The following FAM110B variants were observed in gnomAD, a reference collection of about 807,000 sequenced individuals.
FAM110B encodes the protein protein FAM110B.
In FAM110B, 6 loss-of-function variants were observed where a neutral mutation model predicts 20.4. The ratio of observed to expected loss-of-function variants is 0.29; its 90% CI spans 0.16 to 0.58. The LOEUF (loss-of-function observed/expected upper bound fraction) is 0.58. Among genes scored for constraint, FAM110B ranks in the 20% least tolerant of loss-of-function variants. FAM110B has a pLI of 0.90. For synonymous variants in FAM110B, 226 were observed against 214.1 expected (o/e 1.06, Z -0.49); for missense variants, 434 against 498.2 (o/e 0.87, Z 1.23).
intron 1 of FAM110B, among the ~76,000 whole-genome samples, chr8:57,999,198 T>G (rs1048479799): frequency 6.6e-6 from 1 of 152,286 alleles, no homozygotes; most frequent in African/African-American, 2.4e-5. Flanking sequence ...TTGTAAACAC[T>G]TTAGAGAGAA....
chr8:58,011,460 T>C (rs918873496), intron 1 of FAM110B, among the ~76,000 whole-genome samples: 1 of 152,180 alleles, frequency 6.6e-6, no homozygotes, highest in Non-Finnish European at 1.5e-5. Flanking sequence ...GGTTCACCTT[T>C]TGACATAAAG....
intron 1 of FAM110B, among the ~76,000 whole-genome samples, chr8:58,006,078 CA>C (rs1335345580): frequency 1.3e-5 from 2 of 152,006 alleles, no homozygotes; most frequent in Non-Finnish European, 2.9e-5. Context: ...ATTATTCAGG[CA>C]GATCCTTATA....
At chr8:58,061,845 C>T (rs907272695) in intron 2 of FAM110B, among the ~76,000 whole-genome samples, 1 of 152,332 alleles carries the variant, frequency 6.6e-6, no homozygotes, top group African/African-American at 2.4e-5. Context: ...CAGGGATTTA[C>T]ACTCTTCTAG....
At chr8:58,075,297 T>G (rs1240149403) in intron 2 of FAM110B, among the ~76,000 whole-genome samples, 2 of 119,846 alleles carry the variant, frequency 1.7e-5, no homozygotes, top group African/African-American at 1.2e-4. Context: ...GTGTGTGTGT[T>G]TTGTAGATAC....
At chr8:58,084,393 C>CTT (rs574705921) in intron 3 of FAM110B, among the ~76,000 whole-genome samples, 15 of 140,772 alleles carry the variant, frequency 1.1e-4, no homozygotes, top group African/African-American at 2.1e-4. Context: ...CTCCATTTTC[C>CTT]TTTTTTTTTT....
At chr8:58,006,418 G>A (rs1343794358) in intron 1 of FAM110B, among the ~76,000 whole-genome samples, 1 of 152,124 alleles carries the variant, frequency 6.6e-6, no homozygotes, top group Non-Finnish European at 1.5e-5. Context: ...ACAGTAGTGG[G>A]TGGCCATGGC....
intron 2 of FAM110B, among the ~76,000 whole-genome samples, chr8:58,052,355 G>A (rs1335659613): frequency 6.6e-6 from 1 of 152,146 alleles, no homozygotes; most frequent in Non-Finnish European, 1.5e-5. Context: ...ATCATAGAAA[G>A]CAGTATAGAG....
rs1281171052 is a variant in FAM110B at position 58,146,653 on chromosome 8, C to G, written c.423C>G (p.Ser141=). ...CGGGCTCGGGGCACAAGCACAGCTC[C>G]CGCAACTGGCCGCCCCACCGGTCGG... The part of the protein sequence containing the change: ...SSSGSGHKHS[S]RNWPPHRSEA... The change falls in exon 4 of 4, where the codon TCC becomes TCG. Residue 141 remains serine, a synonymous_variant. Coordinates refer to ENST00000519262, the MANE Select transcript of FAM110B (RefSeq NM_001377989.1). 1 of 1,612,994 alleles carries G rather than the reference C, an allele frequency of 6.2e-7. No homozygotes were observed. The highest frequency in any genetic ancestry group is 2.2e-5 in the East Asian group (1 of 44,846).
chr8:57,995,730 A>G (rs758075780), intron 1 of FAM110B, among the ~76,000 whole-genome samples: 2 of 152,210 alleles, frequency 1.3e-5, no homozygotes, highest in Non-Finnish European at 2.9e-5. Flanking sequence ...TAACCCTTTC[A>G]AGTTGTTATT....
At chr8:58,016,200 G>A (rs1323520913) in intron 1 of FAM110B, among the ~76,000 whole-genome samples, 1 of 152,146 alleles carries the variant, frequency 6.6e-6, no homozygotes, top group Non-Finnish European at 1.5e-5. Flanking sequence ...AATGCTTTTA[G>A]AAAATGATTT....
chr8:58,136,882 C>G (rs1175892290), intron 3 of FAM110B, among the ~76,000 whole-genome samples: 10 of 152,194 alleles, frequency 6.6e-5, no homozygotes, highest in Admixed American at 2.0e-4. Context: ...GATGACTTCT[C>G]TAAATGACCT....
At chr8:58,052,793 T>C (rs1367812226) in intron 2 of FAM110B, among the ~76,000 whole-genome samples, 2 of 124,000 alleles carry the variant, frequency 1.6e-5, no homozygotes, top group African/African-American at 6.6e-5. Context: ...TTTTTTTTTT[T>C]TTTTTTTTTT....
intron 1 of FAM110B, among the ~76,000 whole-genome samples, chr8:58,000,786 T>C (rs1804278204): frequency 6.6e-6 from 1 of 152,064 alleles, no homozygotes; most frequent in Non-Finnish European, 1.5e-5. Context: ...AAGGTGAGAG[T>C]TGGGAGGTTC....
At chr8:58,003,740 G>C (rs1267672281) in intron 1 of FAM110B, among the ~76,000 whole-genome samples, 2 of 152,204 alleles carry the variant, frequency 1.3e-5, no homozygotes, top group Non-Finnish European at 2.9e-5. Context: ...ATATTCAGTA[G>C]ATCATACTGT....
rs567733086 is a variant in FAM110B at position 58,115,304 on chromosome 8, A to G, written c.-324-30603A>G. 2.0e-5 allele frequency among the ~76,000 whole-genome samples: 3 copies of G among 152,364 alleles called. No homozygotes were observed. The South Asian group carries it at 6.2e-4, about 32-fold the overall frequency. ...AGACAACGAATTCTATACACAGCACAGGTGGACGTGAGCACACACGTGCAG... is the reference window on the plus strand; with the variant it reads ...AGACAACGAATTCTATACACAGCACGGGTGGACGTGAGCACACACGTGCAG... On this transcript the variant is annotated intron_variant, in intron 3 of 3. Transcript: ENST00000519262.
chr8:58,111,650 A>G (rs1807060646), intron 3 of FAM110B, among the ~76,000 whole-genome samples: 1 of 152,210 alleles, frequency 6.6e-6, no homozygotes, highest in South Asian at 2.1e-4. Context: ...AAAAAAAACT[A>G]CTTTTAAAAG....
intron 3 of FAM110B, among the ~76,000 whole-genome samples, chr8:58,092,934 C>T (rs1806518756): frequency 6.6e-6 from 1 of 152,152 alleles, no homozygotes; most frequent in Non-Finnish European, 1.5e-5. Flanking sequence ...TAAATGATCG[C>T]CATTCTAACT....
chr8:58,005,247 G>A (rs1259934169), intron 1 of FAM110B, among the ~76,000 whole-genome samples: 1 of 152,160 alleles, frequency 6.6e-6, no homozygotes, highest in African/African-American at 2.4e-5. Context: ...AGAGATTGGG[G>A]CAGGGGCGGG....
At position 58,146,652 on chromosome 8, in the gene FAM110B, C is replaced by G; in HGVS notation, c.422C>G (p.Ser141Cys). 1 of 1,613,246 alleles carries G rather than the reference C, an allele frequency of 6.2e-7. No homozygotes were observed. Among genetic ancestry groups the G allele is most frequent in the Non-Finnish European group, 8.5e-7 (1 of 1,179,670 alleles). ...TCGGGCTCGGGGCACAAGCACAGCT[C>G]CCGCAACTGGCCGCCCCACCGGTCG... Reference protein sequence around the residue: ...SSSGSGHKHSSRNWPPHRSEA... With the variant: ...SSSGSGHKHSCRNWPPHRSEA... Residue 141 changes from serine to cysteine, a missense_variant, in exon 4 of 4, where the codon TCC becomes TGC. Physicochemically the swap from Ser to Cys is moderately radical, Grantham distance 112. Coordinates refer to ENST00000519262, the MANE Select transcript of FAM110B (RefSeq NM_001377989.1).
Sources: allele counts gnomAD v4.1 joint callset (sites outside exome capture counted in the v4.1 genomes callset), GRCh38; gene constraint gnomAD v4.1.1; transcripts MANE v1.5; gene names NCBI Gene and HGNC (gene_info 2026-07-23, HGNC 2026-07-21).